ADAMTS19: variants seen among roughly 807,000 people sequenced by gnomAD.
ADAMTS19 encodes ADAM metallopeptidase with thrombospondin type 1 motif 19.
In ADAMTS19, 93 loss-of-function variants were observed where a neutral mutation model predicts 153.3. That is an observed-to-expected ratio of 0.61 (90% CI 0.51 to 0.72). The LOEUF (loss-of-function observed/expected upper bound fraction) is 0.72, where lower values mean the gene tolerates loss of function less well. Among genes scored for constraint, ADAMTS19 ranks in the 30% least tolerant of loss-of-function variants. ADAMTS19 has a pLI of 0.00. For missense variants in ADAMTS19, 1,482 were observed against 1,552.1 expected, an observed-to-expected ratio of 0.95 and a Z score of 0.76; for synonymous variants, 600 against 556.6, an observed-to-expected ratio of 1.08 and a Z score of -1.10.
chr5:129,475,142 A>G (rs1488893613), intron 2 of ADAMTS19, among the ~76,000 whole-genome samples: 1 of 150,070 alleles, frequency 6.7e-6, no homozygotes, highest in Admixed American at 6.6e-5. Flanking sequence ...TTGATGTTGT[A>G]TCTAAGAACT....
intron 2 of ADAMTS19, among the ~76,000 whole-genome samples, chr5:129,466,468 A>G (rs901458842): frequency 6.6e-6 from 1 of 152,126 alleles, no homozygotes; most frequent in Non-Finnish European, 1.5e-5. Flanking sequence ...AAAAAATAGG[A>G]ACAAACTGCT....
intron 6 of ADAMTS19, among the ~76,000 whole-genome samples, chr5:129,548,927 C>A (rs1019883368): frequency 1.4e-4 from 20 of 146,734 alleles, no homozygotes; most frequent in Non-Finnish European, 2.7e-4. Context: ...ATCGCAAGGA[C>A]AAAAAACCAA....
At chr5:129,736,136 A>G (rs78287043) in intron 22 of ADAMTS19, among the ~76,000 whole-genome samples, 278 of 152,194 alleles carry the variant, frequency 1.8e-3, no homozygotes, top group African/African-American at 6.5e-3. Context: ...AAGCAATTCT[A>G]GAGCAGATGT....
At chr5:129,642,548 T>A (rs1032283793) in intron 11 of ADAMTS19, among the ~76,000 whole-genome samples, 1 of 152,136 alleles carries the variant, frequency 6.6e-6, no homozygotes. Context: ...ATGAAGAAGA[T>A]GGATTTCACA....
At chr5:129,552,630 T>C (rs1417262661) in intron 7 of ADAMTS19, among the ~76,000 whole-genome samples, 2 of 151,872 alleles carry the variant, frequency 1.3e-5, no homozygotes, top group African/African-American at 4.8e-5. Context: ...TGGCATATCA[T>C]GTAGGGTTCA....
chr5:129,603,616 G>A (rs191555849), intron 8 of ADAMTS19, among the ~76,000 whole-genome samples: 117 of 152,130 alleles, frequency 7.7e-4, no homozygotes, highest in Middle Eastern at 3.4e-3. Context: ...TAAATTATCT[G>A]GGAAATAATA....
chr5:129,553,710 C>T (rs10070169), intron 7 of ADAMTS19, among the ~76,000 whole-genome samples: 4,295 of 152,066 alleles, frequency 0.028, 203 homozygotes, highest in African/African-American at 0.097. Flanking sequence ...TCCTTTAGCC[C>T]AAATATAGAT....
intron 21 of ADAMTS19, among the ~76,000 whole-genome samples, chr5:129,708,422 CAT>C (rs1333767142): frequency 6.6e-6 from 1 of 151,970 alleles, no homozygotes; most frequent in African/African-American, 2.4e-5. Flanking sequence ...CTTAAATCTT[CAT>C]TCACTCATTT....
chr5:129,632,455 A>G (rs1317469571), intron 10 of ADAMTS19, among the ~76,000 whole-genome samples: 1 of 152,010 alleles, frequency 6.6e-6, no homozygotes, highest in Non-Finnish European at 1.5e-5. Flanking sequence ...TTTAAGGATT[A>G]AGAATGTAAA....
At chr5:129,688,842 G>A (rs535197597) in intron 18 of ADAMTS19, among the ~76,000 whole-genome samples, 19 of 152,224 alleles carry the variant, frequency 1.2e-4, no homozygotes, top group South Asian at 4.1e-4. Context: ...TTCACTTTGC[G>A]TTAGAGTTCT....
chr5:129,633,407 A>G (rs972957438), intron 10 of ADAMTS19, among the ~76,000 whole-genome samples: 1 of 152,186 alleles, frequency 6.6e-6, no homozygotes, highest in African/African-American at 2.4e-5. Context: ...GCTATTCTAC[A>G]TAGCCAGTAA....
intron 7 of ADAMTS19, among the ~76,000 whole-genome samples, chr5:129,583,625 C>T (rs1294729081): frequency 6.6e-6 from 1 of 151,796 alleles, no homozygotes; most frequent in Admixed American, 6.6e-5. Context: ...ATTCCTTTTT[C>T]TCTAATCTTG....
chr5:129,580,290 T>A (rs571376497), intron 7 of ADAMTS19, among the ~76,000 whole-genome samples: 82 of 152,304 alleles, frequency 5.4e-4, no homozygotes, highest in African/African-American at 1.7e-3. Context: ...TGATTTTGTA[T>A]CCTGAACTTT....
At chr5:129,634,891 A>AAGAGAG (rs58216053) in intron 10 of ADAMTS19, among the ~76,000 whole-genome samples, 1 of 150,164 alleles carries the variant, frequency 6.7e-6, no homozygotes, top group Non-Finnish European at 1.5e-5. Flanking sequence ...AGCAAAATAA[A>AAGAGAG]AGAGAGAGAG....
At chr5:129,669,632 C>A (rs988347302) in intron 16 of ADAMTS19, among the ~76,000 whole-genome samples, 1 of 151,920 alleles carries the variant, frequency 6.6e-6, no homozygotes, top group African/African-American at 2.4e-5. Flanking sequence ...CTAATCTTAT[C>A]TGCTTTCTTC....
intron 6 of ADAMTS19, among the ~76,000 whole-genome samples, chr5:129,543,753 C>T (rs1299738428): frequency 6.6e-6 from 1 of 152,080 alleles, no homozygotes; most frequent in African/African-American, 2.4e-5. Flanking sequence ...TGCTTAAGTC[C>T]TAATGAAATA....
intron 6 of ADAMTS19, among the ~76,000 whole-genome samples, chr5:129,537,359 T>A (rs904230990): frequency 2.4e-4 from 36 of 152,266 alleles, no homozygotes; most frequent in South Asian, 2.3e-3. Flanking sequence ...ATTGTGGAAG[T>A]CGGTGTTGCG....
At chr5:129,640,907 C>G (rs1752759341) in intron 10 of ADAMTS19, among the ~76,000 whole-genome samples, 1 of 152,118 alleles carries the variant, frequency 6.6e-6, no homozygotes, top group Non-Finnish European at 1.5e-5. Flanking sequence ...TCACTGCAAC[C>G]TCTGCCTCCC....
At chr5:129,524,064 A>G (rs1198571285) in intron 3 of ADAMTS19, among the ~76,000 whole-genome samples, 1 of 152,080 alleles carries the variant, frequency 6.6e-6, no homozygotes, top group Non-Finnish European at 1.5e-5. Flanking sequence ...TCAAACTACC[A>G]CAAGGCTATA....
Sources: gnomAD v4.1 joint callset for allele counts (sites outside exome capture counted in the v4.1 genomes callset) on GRCh38, gnomAD v4.1.1 for gene constraint, MANE v1.5 for transcripts, NCBI Gene and HGNC (gene_info 2026-07-23, HGNC 2026-07-21) for gene names.